The following GRM7 variants were observed in gnomAD, a reference collection of about 807,000 sequenced individuals.
GRM7 encodes the protein glutamate metabotropic receptor 7.
Under a neutral mutation model 84.5 loss-of-function variants are expected in GRM7, and 35 were observed. The ratio of observed to expected loss-of-function variants is 0.41; its 90% CI spans 0.32 to 0.55. GRM7 has a LOEUF of 0.55. Ranked by LOEUF, GRM7 falls within the 20% of genes least tolerant of loss-of-function variation. GRM7 has a pLI of 0.19. For synonymous variants in GRM7, 487 were observed against 455.1 expected (o/e 1.07, Z -0.89); for missense variants, 1,003 against 1,194.6 (o/e 0.84, Z 2.36).
intron 1 of GRM7, among the ~76,000 whole-genome samples, chr3:7,089,534 G>A (rs1698589332): frequency 1.3e-5 from 2 of 152,132 alleles, no homozygotes; most frequent in South Asian, 4.1e-4. Flanking sequence ...AAGCAGAAAT[G>A]TGGTGGAACA....
intron 7 of GRM7, among the ~76,000 whole-genome samples, chr3:7,483,497 C>T (rs932492839): frequency 6.6e-6 from 1 of 152,138 alleles, no homozygotes; most frequent in Non-Finnish European, 1.5e-5. Context: ...ATGTGATTGA[C>T]AGTAGAAGGT....
intron 1 of GRM7, among the ~76,000 whole-genome samples, chr3:7,111,751 C>G (rs920179769): frequency 6.6e-6 from 1 of 152,128 alleles, no homozygotes; most frequent in Non-Finnish European, 1.5e-5. Flanking sequence ...GTACATGTAT[C>G]ACAGCTTAGC....
chr3:7,181,859 C>T (rs1188000191), intron 2 of GRM7, among the ~76,000 whole-genome samples: 2 of 152,106 alleles, frequency 1.3e-5, no homozygotes, highest in African/African-American at 4.8e-5. Context: ...GATCCTCCCT[C>T]CTTGGCCTCC....
At chr3:7,176,229 TAAAAAAAAAAAA>T (rs55732650) in intron 2 of GRM7, among the ~76,000 whole-genome samples, 20,903 of 64,070 alleles carry the variant, frequency 0.33, 1,713 homozygotes, top group Middle Eastern at 0.47. Context: ...CTATAAAAAG[TAAAAAAAAAAAA>T]AAAAAAAAAA....
chr3:6,982,179 G>A (rs887705230), intron 1 of GRM7, among the ~76,000 whole-genome samples: 6 of 152,148 alleles, frequency 3.9e-5, no homozygotes, highest in Admixed American at 2.6e-4. Flanking sequence ...ATTGTCCTAA[G>A]CAAATTAATG....
chr3:7,699,403 AG>A (rs1229364888), intron 9 of GRM7, among the ~76,000 whole-genome samples: 31 of 152,342 alleles, frequency 2.0e-4, no homozygotes, highest in African/African-American at 7.2e-4. Flanking sequence ...ATTTCAAACC[AG>A]GGGATATGTA....
At chr3:7,213,061 A>G (rs1344460607) in intron 2 of GRM7, among the ~76,000 whole-genome samples, 1 of 152,132 alleles carries the variant, frequency 6.6e-6, no homozygotes, top group Non-Finnish European at 1.5e-5. Context: ...ATTCTGTTCT[A>G]TTTTTATGCG....
At chr3:7,494,888 C>A (rs1380590121) in intron 7 of GRM7, among the ~76,000 whole-genome samples, 1 of 152,154 alleles carries the variant, frequency 6.6e-6, no homozygotes, top group East Asian at 1.9e-4. Flanking sequence ...TTTATGATGG[C>A]TGTTTTAAAA....
chr3:7,686,225 C>T (rs1700577863), intron 9 of GRM7: 1 of 520,776 alleles, frequency 1.9e-6, no homozygotes, highest in Admixed American at 3.1e-5. Flanking sequence ...GATATTGAAC[C>T]CACCAAAAGA....
intron 2 of GRM7, among the ~76,000 whole-genome samples, chr3:7,215,360 A>G (rs9883585): frequency 0.079 from 12,015 of 152,074 alleles, 1,318 homozygotes; most frequent in African/African-American, 0.25. Flanking sequence ...GTTTGAAGTG[A>G]TATTAAAAAT....
At chr3:7,105,335 C>T (rs916666866) in intron 1 of GRM7, among the ~76,000 whole-genome samples, 1 of 151,858 alleles carries the variant, frequency 6.6e-6, no homozygotes, top group Non-Finnish European at 1.5e-5. Context: ...TTGTCTACAA[C>T]CATCTATCCA....
rs185318741 is a variant in GRM7 at position 7,030,511 on chromosome 3, A to T, written c.520-115941A>T. On this transcript the variant is annotated intron_variant, in intron 1 of 9. Transcript: ENST00000357716. ...AATTATACCTGAATGAAGAGTTTTT[A>T]AAAATAGTAAACTGACACAGTACCA... Among the ~76,000 whole-genome samples, 944 of 152,342 alleles carry T rather than the reference A, an allele frequency of 6.2e-3. 11 individuals are homozygous for T. Among genetic ancestry groups the T allele is most frequent in the Non-Finnish European group, 8.4e-3 (572 of 68,034 alleles).
At chr3:7,377,277 G>A (rs747651822) in intron 4 of GRM7, among the ~76,000 whole-genome samples, 9 of 152,172 alleles carry the variant, frequency 5.9e-5, no homozygotes, top group African/African-American at 2.2e-4. Context: ...GACCACAGGG[G>A]TGTTGAGCAC....
At chr3:6,931,265 T>G (rs936488149) in intron 1 of GRM7, among the ~76,000 whole-genome samples, 1 of 152,140 alleles carries the variant, frequency 6.6e-6, no homozygotes, top group African/African-American at 2.4e-5. Context: ...ATGTCAAGGC[T>G]TTGTCTAGCC....
At chr3:6,866,366 G>A (rs1454313238) in intron 1 of GRM7, among the ~76,000 whole-genome samples, 1 of 150,168 alleles carries the variant, frequency 6.7e-6, no homozygotes, top group Non-Finnish European at 1.5e-5. Flanking sequence ...TAAAAATGTA[G>A]TTTCTAAAAG....
At chr3:7,363,020 G>C (rs771662576) in intron 4 of GRM7, among the ~76,000 whole-genome samples, 32 of 152,168 alleles carry the variant, frequency 2.1e-4, no homozygotes, top group Middle Eastern at 3.4e-3. Flanking sequence ...TATTCAGAAG[G>C]CTGAGGCAGG....
At chr3:7,068,998 A>C (rs1046359567) in intron 1 of GRM7, among the ~76,000 whole-genome samples, 4 of 151,618 alleles carry the variant, frequency 2.6e-5, no homozygotes, top group Non-Finnish European at 5.9e-5. Context: ...GAGGTAGATA[A>C]GTGGGTAATA....
Position 6,861,286 on chromosome 3 carries a change from C to T in GRM7, c.-103C>T. ...CCCACCCTCCGTGCCTGCAGGAGCC[C>T]CTGGGCTTTCCCGGAGGAGCTCGCC... On this transcript the variant is annotated 5_prime_UTR_variant, in exon 1 of 10. Transcript: ENST00000357716. This position sits in a 1 kb window ranked among gnomAD's most constrained non-coding sequence, Gnocchi z 6.4. 9.5e-7 allele frequency: 1 copy of T among 1,057,550 alleles called. No individual in the cohort carries two copies. Among genetic ancestry groups the T allele is most frequent in the Non-Finnish European group, 1.3e-6 (1 of 789,060 alleles). 65.5% of individuals were successfully genotyped at this position (1,057,550 alleles called of 1,614,324 possible).
intron 7 of GRM7, among the ~76,000 whole-genome samples, chr3:7,500,422 G>C (rs1575422050): frequency 6.6e-6 from 1 of 152,174 alleles, no homozygotes; most frequent in African/African-American, 2.4e-5. Flanking sequence ...TCTTTACTTG[G>C]AATTCCAAAT....
Sources: allele counts gnomAD v4.1 joint callset (sites outside exome capture counted in the v4.1 genomes callset), GRCh38; gene constraint gnomAD v4.1.1; non-coding constraint Gnocchi (gnomAD v3.1); transcripts MANE v1.5; gene names NCBI Gene and HGNC (gene_info 2026-07-23, HGNC 2026-07-21).